Variants in TMEM117 observed in about 807,000 individuals in gnomAD.
TMEM117 encodes transmembrane protein 117.
TMEM117 carries 27 observed loss-of-function variants against 52.4 expected under a neutral mutation model. The ratio of observed to expected loss-of-function variants is 0.51; its 90% CI spans 0.38 to 0.71. The LOEUF (loss-of-function observed/expected upper bound fraction) is 0.71, where lower values mean the gene tolerates loss of function less well. Among genes scored for constraint, TMEM117 ranks in the 30% least tolerant of loss-of-function variants. The pLI is 0.00. For synonymous variants in TMEM117, 215 were observed against 206.3 expected (o/e 1.04, Z -0.36); for missense variants, 556 against 630.5 (o/e 0.88, Z 1.26).
chr12:44,108,044 A>G (rs1947991727), intron 3 of TMEM117, among the ~76,000 whole-genome samples: 1 of 152,122 alleles, frequency 6.6e-6, no homozygotes, highest in African/African-American at 2.4e-5. Context: ...GATACTTTTT[A>G]GTAAAATGAG....
intron 6 of TMEM117, 37 bp from the exon 7 acceptor site, chr12:44,376,558 C>T (rs1034815604): frequency 3.4e-5 from 53 of 1,577,948 alleles, no homozygotes; most frequent in Non-Finnish European, 3.9e-5. Flanking sequence ...AGGAATGAAA[C>T]GAATCACAAA....
chr12:43,826,905 G>C, the TMEM117 span, among the ~76,000 whole-genome samples: 1 of 152,066 alleles, frequency 6.6e-6, no homozygotes, highest in African/African-American at 2.4e-5. Context: ...TGACTGTGAA[G>C]GAATACATCA....
At chr12:43,962,876 C>T (rs746716742) in intron 3 of TMEM117, among the ~76,000 whole-genome samples, 51 of 151,462 alleles carry the variant, frequency 3.4e-4, no homozygotes, top group Non-Finnish European at 6.8e-4. Context: ...TGCAGTGAGC[C>T]GAGATTGCAC....
intron 2 of TMEM117, among the ~76,000 whole-genome samples, chr12:43,936,864 T>A (rs949699566): frequency 1.3e-5 from 2 of 152,142 alleles, no homozygotes; most frequent in Non-Finnish European, 2.9e-5. Context: ...TGATAAAGAT[T>A]ACTCTTTCTT....
intron 2 of TMEM117, among the ~76,000 whole-genome samples, chr12:43,941,470 C>T (rs956843680): frequency 6.6e-6 from 1 of 152,054 alleles, no homozygotes; most frequent in Non-Finnish European, 1.5e-5. Flanking sequence ...ATATAGTCAC[C>T]CTAAAGGGCA....
chr12:43,952,432 T>C (rs1945239446), intron 3 of TMEM117, among the ~76,000 whole-genome samples: 1 of 152,014 alleles, frequency 6.6e-6, no homozygotes, highest in Non-Finnish European at 1.5e-5. Flanking sequence ...ATAAACAGTC[T>C]GTAGAGGAAC....
chr12:43,819,895 A>C, the TMEM117 span, among the ~76,000 whole-genome samples: 1 of 152,196 alleles, frequency 6.6e-6, no homozygotes. Context: ...ATTCTACAAA[A>C]GAGTTGTATT....
chr12:44,163,307 C>T (rs1160812543), intron 4 of TMEM117, among the ~76,000 whole-genome samples: 2 of 152,268 alleles, frequency 1.3e-5, no homozygotes, highest in South Asian at 2.1e-4. Flanking sequence ...AAGATGATCT[C>T]GTGACATAAC....
chr12:44,254,149 GC>G (rs1305543799), intron 5 of TMEM117, among the ~76,000 whole-genome samples: 1 of 151,792 alleles, frequency 6.6e-6, no homozygotes, highest in African/African-American at 2.4e-5. Flanking sequence ...AGATTTCTAA[GC>G]CTAAAAGGAA....
chr12:43,888,055 C>G (rs1447435279), intron 2 of TMEM117, among the ~76,000 whole-genome samples: 2 of 152,128 alleles, frequency 1.3e-5, no homozygotes, highest in Admixed American at 6.5e-5. Context: ...AAAAGAGATT[C>G]TATAGTATAA....
intron 6 of TMEM117, among the ~76,000 whole-genome samples, chr12:44,348,911 G>A (rs9739776): frequency 0.56 from 84,730 of 151,700 alleles, 24,173 homozygotes; most frequent in East Asian, 0.9. Flanking sequence ...TTGAATGTCA[G>A]TCAGAGAGGT....
At chr12:44,356,182 T>A (rs186974992) in intron 6 of TMEM117, among the ~76,000 whole-genome samples, 28 of 152,238 alleles carry the variant, frequency 1.8e-4, no homozygotes, top group South Asian at 6.2e-4. Context: ...CTCAGGAAGA[T>A]GTCTTGGGGA....
At chr12:43,921,500 A>G (rs1427144099) in intron 2 of TMEM117, among the ~76,000 whole-genome samples, 1 of 152,208 alleles carries the variant, frequency 6.6e-6, no homozygotes, top group Admixed American at 6.5e-5. Context: ...TCTCTCATCT[A>G]CAAAATGGGA....
At chr12:44,026,652 T>C (rs1946538787) in intron 3 of TMEM117, among the ~76,000 whole-genome samples, 1 of 152,312 alleles carries the variant, frequency 6.6e-6, no homozygotes, top group South Asian at 2.1e-4. Context: ...ACTTTTATTT[T>C]CCCAGATCTC....
intron 5 of TMEM117, among the ~76,000 whole-genome samples, chr12:44,271,866 A>T (rs1021685748): frequency 1.3e-5 from 2 of 152,106 alleles, no homozygotes; most frequent in Non-Finnish European, 2.9e-5. Flanking sequence ...TGAAATATAT[A>T]AGAAACTCAC....
intron 6 of TMEM117, among the ~76,000 whole-genome samples, chr12:44,366,328 G>C (rs1014115455): frequency 1.3e-5 from 2 of 152,040 alleles, no homozygotes; most frequent in African/African-American, 4.8e-5. Flanking sequence ...TTTCCAAAAA[G>C]ACCCTGAGGA....
chr12:44,357,612 C>T (rs565290558), intron 6 of TMEM117, among the ~76,000 whole-genome samples: 54 of 151,986 alleles, frequency 3.6e-4, no homozygotes, highest in Non-Finnish European at 5.0e-4. Context: ...AAATCAAAAC[C>T]GCAACAAGAT....
intron 3 of TMEM117, among the ~76,000 whole-genome samples, chr12:44,139,661 CAAAT>C (rs1276734786): frequency 1.3e-5 from 2 of 151,964 alleles, no homozygotes; most frequent in South Asian, 2.1e-4. Context: ...AAAAAGAAAA[CAAAT>C]AAAGCATAAA....
chr12:43,802,494 T>G, the TMEM117 span: 1 of 1,545,900 alleles, frequency 6.5e-7, no homozygotes, highest in East Asian at 2.3e-5. Flanking sequence ...GAAAGATAGG[T>G]AAATGGTTTG....
Sources: allele counts gnomAD v4.1 joint callset (sites outside exome capture counted in the v4.1 genomes callset), GRCh38; gene constraint gnomAD v4.1.1; transcripts MANE v1.5; gene names NCBI Gene and HGNC (gene_info 2026-07-23, HGNC 2026-07-21).